Variants in MIER1 observed in about 807,000 individuals in gnomAD.
MIER1 encodes mesoderm induction early response protein 1.
A neutral mutation model predicts 75.7 loss-of-function variants in MIER1; 40 were observed. The observed-to-expected ratio is 0.53, with a 90% confidence interval of 0.41 to 0.69. The LOEUF (loss-of-function observed/expected upper bound fraction) is 0.69, where lower values mean the gene tolerates loss of function less well. MIER1 is among the 30% of genes least tolerant of loss of function. MIER1 has a pLI of 0.00. For synonymous variants in MIER1, 213 were observed against 223.4 expected (o/e 0.95, Z 0.42); for missense variants, 574 against 680.2 (o/e 0.84, Z 1.74).
In MIER1 at chr1:66,959,335, A is replaced by C. The variant is rs112064920; in HGVS notation, c.635-344A>C. 6.1e-3 allele frequency among the ~76,000 whole-genome samples: 923 copies of C among 152,230 alleles called. 7 individuals are homozygous for C. The highest frequency in any genetic ancestry group is 0.021 in the African/African-American group (862 of 41,522). On this transcript the variant is annotated intron_variant, in intron 6 of 13. Transcript: ENST00000401041. ...CTTTTTTAGGTATATTCATAAATAC[A>C]CCTAAATTTCTCTACTTTAAAAGGA... is the stretch of plus-strand genomic sequence containing the variant.
At chr1:66,975,265 G>A (rs952353746) in intron 11 of MIER1, among the ~76,000 whole-genome samples, 36 of 152,182 alleles carry the variant, frequency 2.4e-4, no homozygotes, top group African/African-American at 8.0e-4. Flanking sequence ...AGTGGCTCAT[G>A]CCTGTTATCT....
At chr1:66,982,947 C>A (rs1319420932) in intron 13 of MIER1, among the ~76,000 whole-genome samples, 1 of 152,194 alleles carries the variant, frequency 6.6e-6, no homozygotes, top group African/African-American at 2.4e-5. Context: ...TGGGACTAAC[C>A]GTATAGGCTC....
chr1:66,974,481 A>G (rs1419442800), intron 11 of MIER1, among the ~76,000 whole-genome samples: 3 of 151,672 alleles, frequency 2.0e-5, no homozygotes, highest in African/African-American at 7.3e-5. Context: ...GAATTAAAAC[A>G]CTCTTAACCA....
At chr1:66,972,867 C>A in intron 10 of MIER1, 30 bp from the exon 11 acceptor site, 1 of 1,169,814 alleles carries the variant, frequency 8.5e-7, no homozygotes, top group Non-Finnish European at 1.3e-6. Flanking sequence ...GGGAATATTG[C>A]TTAACAGTTT....
Position 66,930,296 on chromosome 1 carries a change from C to T in MIER1, c.168+4054C>T, listed in dbSNP as rs1652822103. ...GTGGCGGCGGGAGCGGCAGAGACGG[C>T]AGCGGCCGGAGTCCCGTTGCTGAGT... On this transcript the variant is annotated intron_variant, in intron 2 of 13. Coordinates refer to ENST00000401041, the MANE Select transcript of MIER1 (RefSeq NM_001077700.3). The T allele has an allele frequency of 5.1e-6, 8 of 1,558,262 alleles. No homozygotes were observed. In the South Asian group the frequency reaches 9.3e-5, roughly 18 times the overall value.
chr1:66,978,312 TC>T (rs1665175964), intron 12 of MIER1, among the ~76,000 whole-genome samples: 1 of 152,172 alleles, frequency 6.6e-6, no homozygotes. Context: ...GCTGGTCACT[TC>T]CTTAGAAGGT....
chr1:66,975,155 T>C (rs1343980992), intron 11 of MIER1, among the ~76,000 whole-genome samples: 1 of 152,124 alleles, frequency 6.6e-6, no homozygotes, highest in African/African-American at 2.4e-5. Context: ...CTACAGAATA[T>C]TTACTTCAAG....
chr1:66,941,998 T>C (rs1426053663), intron 3 of MIER1, among the ~76,000 whole-genome samples: 1 of 150,688 alleles, frequency 6.6e-6, no homozygotes, highest in Non-Finnish European at 1.5e-5. Context: ...CAGTCTTTGA[T>C]AGCTTTGCTA....
Position 66,933,595 on chromosome 1 carries a change from G to GA in MIER1, c.169-6429dup, listed in dbSNP as rs1479632786. Among the ~76,000 whole-genome samples the GA allele has an allele frequency of 5.3e-5, 8 of 152,014 alleles. No individual in the cohort carries two copies. The East Asian group carries it at 1.5e-3, about 29-fold the overall frequency. ...AAGGATTATGTTAAATGTTACTTAT[G>GA]AAAACATTAATTTCTACTCTAAGCA... On this transcript the variant is annotated intron_variant, in intron 2 of 13. Coordinates refer to ENST00000401041, the MANE Select transcript of MIER1 (RefSeq NM_001077700.3).
chr1:66,934,428 G>T (rs1654229855), intron 2 of MIER1, among the ~76,000 whole-genome samples: 1 of 134,588 alleles, frequency 7.4e-6, no homozygotes, highest in South Asian at 2.3e-4. Context: ...TTTTGAGACA[G>T]GGTCTCTCTC....
chr1:66,978,846 T>A lies in MIER1; in HGVS notation c.1229+2124T>A, dbSNP rs191158762. 5.3e-5 allele frequency among the ~76,000 whole-genome samples: 8 copies of A among 152,334 alleles called. No individual in the cohort carries two copies. In the East Asian group the frequency reaches 1.5e-3, roughly 29 times the overall value. On this transcript the variant is annotated intron_variant, in intron 12 of 13. Transcript: ENST00000401041. Reference sequence around the variant, plus strand: ...TCAAGATCAACAGGTTAGGTAGGGATGTGCCACCAAATGTTCTAATTTCTC... The same window carrying A: ...TCAAGATCAACAGGTTAGGTAGGGAAGTGCCACCAAATGTTCTAATTTCTC...
At chr1:66,970,576 T>TA (rs1366747837) in intron 8 of MIER1, among the ~76,000 whole-genome samples, 1 of 152,166 alleles carries the variant, frequency 6.6e-6, no homozygotes, top group African/African-American at 2.4e-5. Context: ...AAACTCAAGA[T>TA]AAAGTCAGAC....
At chr1:66,978,209 A>AG (rs1558114062) in intron 12 of MIER1, among the ~76,000 whole-genome samples, 2 of 149,464 alleles carry the variant, frequency 1.3e-5, no homozygotes, top group Admixed American at 6.6e-5. Flanking sequence ...AAAAAAAAAA[A>AG]AAAGATGTGC....
At chr1:66,946,081 T>C (rs1657565793) in intron 3 of MIER1, 69 bp from the exon 4 acceptor site, 1 of 1,397,910 alleles carries the variant, frequency 7.2e-7, no homozygotes, top group Non-Finnish European at 9.6e-7. Context: ...CAAATAAAAA[T>C]ATATACATTA....
At chr1:66,954,279 C>G (rs558291456) in intron 4 of MIER1, among the ~76,000 whole-genome samples, 35 of 152,282 alleles carry the variant, frequency 2.3e-4, no homozygotes, top group African/African-American at 8.4e-4. Context: ...CTAAATACTT[C>G]CAGAGTGTCA....
intron 12 of MIER1, among the ~76,000 whole-genome samples, chr1:66,978,350 CAA>C: frequency 6.6e-6 from 1 of 152,260 alleles, no homozygotes; most frequent in Non-Finnish European, 1.5e-5. Context: ...CACAGTAAAA[CAA>C]TCTGAAAGAG....
rs1230623585 is a variant in MIER1 at position 66,987,062 on chromosome 1, AATATGGCACATGT to A, written c.*2166_*2178del. The stretch of plus-strand genomic sequence containing the variant: ...ATACATTCTCAGGCATGTTTGCAAA[AATATGGCACATGT>A]ATACATTTTAGGAAATGTTACTTTT... On this transcript the variant is annotated 3_prime_UTR_variant, in exon 14 of 14. Transcript: ENST00000401041. 1 of 152,442 alleles carries A rather than the reference AATATGGCACATGT, an allele frequency of 6.6e-6. No homozygotes were observed. The highest frequency in any genetic ancestry group is 1.5e-5 in the Non-Finnish European group (1 of 67,988). The allele number at this position is 152,442 out of a possible 1,614,324, so 9.4% of individuals were successfully genotyped here. A position where few individuals can be genotyped will look rare whatever the true frequency, so the allele number is the denominator to read the frequency against.
At chr1:66,953,406 G>A (rs3008871) in intron 4 of MIER1, among the ~76,000 whole-genome samples, 118,818 of 152,020 alleles carry the variant, frequency 0.78, 46,779 homozygotes, top group East Asian at 0.88. Context: ...GTTGTAGCCC[G>A]GAGTTTGCTG....
In MIER1 at chr1:66,945,041, A is replaced by G. The variant is rs139783163; in HGVS notation, c.194-1109A>G. On this transcript the variant is annotated intron_variant, in intron 3 of 13. Transcript: ENST00000401041. Reference sequence around the variant, plus strand: ...CATCCAGCCACTAGAATGTATTTTCAAGGAAGTACTTATAGAATAATAATA... The same window carrying G: ...CATCCAGCCACTAGAATGTATTTTCGAGGAAGTACTTATAGAATAATAATA... Among the ~76,000 whole-genome samples the G allele has an allele frequency of 2.9e-3, 445 of 152,154 alleles. 3 individuals carry two copies. Among genetic ancestry groups the G allele is most frequent in the Non-Finnish European group, 3.9e-3 (266 of 67,998 alleles).
Sources: allele counts gnomAD v4.1 joint callset (sites outside exome capture counted in the v4.1 genomes callset), GRCh38; gene constraint gnomAD v4.1.1; transcripts MANE v1.5; gene names NCBI Gene and HGNC (gene_info 2026-07-23, HGNC 2026-07-21).